The following SORCS1 variants were observed in gnomAD, a reference collection of about 807,000 sequenced individuals.
The protein encoded by SORCS1 is VPS10 domain-containing receptor SorCS1.
SORCS1 carries 60 observed loss-of-function variants against 146.1 expected under a neutral mutation model. The ratio of observed to expected loss-of-function variants is 0.41; its 90% CI spans 0.33 to 0.51. The LOEUF (loss-of-function observed/expected upper bound fraction) is 0.51, where lower values mean the gene tolerates loss of function less well. SORCS1 is among the 20% of genes least tolerant of loss of function. The pLI is 0.21. For synonymous variants in SORCS1, 637 were observed against 584.0 expected, an observed-to-expected ratio of 1.09 and a Z score of -1.31; for missense variants, 1,352 against 1,487.6, an observed-to-expected ratio of 0.91 and a Z score of 1.50.
chr10:106,610,923 C>T (rs551460008), intron 22 of SORCS1, among the ~76,000 whole-genome samples: 6 of 152,016 alleles, frequency 3.9e-5, no homozygotes, highest in East Asian at 1.9e-4. Flanking sequence ...ACTTAAAATA[C>T]GAAAAAAATA....
At chr10:106,729,952 C>T in intron 6 of SORCS1, 98 bp downstream of exon 6, 1 of 1,419,590 alleles carries the variant, frequency 7.0e-7, no homozygotes, top group Non-Finnish European at 9.9e-7. Flanking sequence ...TCCACTATTA[C>T]TCTGCATACA....
At chr10:107,151,528 C>A (rs955178491) in intron 1 of SORCS1, among the ~76,000 whole-genome samples, 4 of 152,086 alleles carry the variant, frequency 2.6e-5, no homozygotes, top group African/African-American at 9.7e-5. Flanking sequence ...AAAGTGGATA[C>A]CCCTGATAAA....
intron 1 of SORCS1, among the ~76,000 whole-genome samples, chr10:107,096,781 G>C (rs1400447891): frequency 1.3e-5 from 2 of 152,100 alleles, no homozygotes; most frequent in African/African-American, 4.8e-5. Flanking sequence ...CAAAATGCTG[G>C]GATTACAGGT....
At position 106,616,028 on chromosome 10, in the gene SORCS1, C is replaced by T. The variant is rs1304465633; in HGVS notation, c.2920+2121G>A. ...TCAAACCAAATGCTTAGAACAGATG[C>T]CAGTGGCTAGCAAAGTCTTCATCAA... On this transcript the variant is annotated intron_variant, in intron 21 of 25. Transcript: ENST00000263054. Among the ~76,000 whole-genome samples the T allele has an allele frequency of 1.3e-5, 2 of 152,140 alleles. 1 individual carries two copies. The highest frequency in any genetic ancestry group is 3.9e-4 in the East Asian group (2 of 5,188).
At chr10:106,773,675 C>A (rs2484971) in intron 4 of SORCS1, among the ~76,000 whole-genome samples, 36 of 152,310 alleles carry the variant, frequency 2.4e-4, no homozygotes, top group African/African-American at 8.4e-4. Flanking sequence ...CCTGGCTGGG[C>A]GTGGTGGCTC....
Position 106,921,312 on chromosome 10 carries a change from G to A in SORCS1, c.626+35201C>T, listed in dbSNP as rs552306416. ...CTTTTTCTCAAGTTCTCTTCACTCAGCTCCTTACATACAAGACCTACAGAA... is the reference window on the plus strand; with the variant it reads ...CTTTTTCTCAAGTTCTCTTCACTCAACTCCTTACATACAAGACCTACAGAA... On this transcript the variant is annotated intron_variant, in intron 2 of 25. Transcript: ENST00000263054. Among the ~76,000 whole-genome samples, 20 of 152,232 alleles carry A rather than the reference G, an allele frequency of 1.3e-4. No homozygotes were observed. In the South Asian group the frequency reaches 4.2e-3, roughly 32 times the overall value.
At chr10:106,800,278 C>T (rs890096900) in intron 3 of SORCS1, among the ~76,000 whole-genome samples, 11 of 152,180 alleles carry the variant, frequency 7.2e-5, no homozygotes, top group African/African-American at 2.6e-4. Flanking sequence ...AGTAATTGGT[C>T]ATGTCCATGA....
At chr10:106,844,432 C>G (rs930263770) in intron 2 of SORCS1, among the ~76,000 whole-genome samples, 1 of 152,032 alleles carries the variant, frequency 6.6e-6, no homozygotes, top group African/African-American at 2.4e-5. Flanking sequence ...CTAGGAGTTT[C>G]ATGGTTTCAG....
chr10:106,734,714 T>C (rs968268575), intron 5 of SORCS1, among the ~76,000 whole-genome samples: 3 of 152,222 alleles, frequency 2.0e-5, no homozygotes, highest in African/African-American at 7.2e-5. Flanking sequence ...TTTTTCTATA[T>C]TTTTCCTATA....
intron 2 of SORCS1, among the ~76,000 whole-genome samples, chr10:106,835,936 C>T (rs1477206474): frequency 2.0e-5 from 3 of 150,802 alleles, no homozygotes; most frequent in Non-Finnish European, 4.4e-5. Flanking sequence ...ACTCGGAAGG[C>T]GGAGGTTGCA....
In SORCS1 at chr10:106,625,336, T is replaced by C. The variant is rs554207307; in HGVS notation, c.2662+3866A>G. Among the ~76,000 whole-genome samples the C allele has an allele frequency of 2.0e-5, 3 of 152,088 alleles. No homozygotes were observed. In the South Asian group the frequency reaches 6.2e-4, roughly 32 times the overall value. ...TGTGCACATATCATATTGCTATTTG[T>C]CTGCAATGTTTAAAAAAGCTACTAG... On this transcript the variant is annotated intron_variant, in intron 19 of 25. Transcript: ENST00000263054.
intron 3 of SORCS1, among the ~76,000 whole-genome samples, chr10:106,795,465 C>G (rs1589895349): frequency 6.6e-6 from 1 of 152,098 alleles, no homozygotes; most frequent in Non-Finnish European, 1.5e-5. Context: ...AGATCAAATT[C>G]AGCTTTTTCA....
At chr10:106,798,979 A>G (rs2136617329) in intron 3 of SORCS1, among the ~76,000 whole-genome samples, 1 of 152,346 alleles carries the variant, frequency 6.6e-6, no homozygotes, top group Non-Finnish European at 1.5e-5. Context: ...ACTTCAAACT[A>G]TACTACAAAG....
chr10:106,796,561 A>G (rs1156627101), intron 3 of SORCS1, among the ~76,000 whole-genome samples: 4 of 152,150 alleles, frequency 2.6e-5, no homozygotes, highest in Admixed American at 6.6e-5. Flanking sequence ...TGTAAAGGTC[A>G]TTTTCTGTAT....
rs1218781419 is a variant in SORCS1 at position 107,116,601 on chromosome 10, T to C, written c.558+47368A>G. Among the ~76,000 whole-genome samples, 12 of 152,112 alleles carry C rather than the reference T, an allele frequency of 7.9e-5. No individual in the cohort carries two copies. In the South Asian group the frequency reaches 1.9e-3, roughly 24 times the overall value. On this transcript the variant is annotated intron_variant, in intron 1 of 25. Transcript: ENST00000263054. The stretch of plus-strand genomic sequence containing the variant: ...GGCAAATACCGTATAATTTCACTTA[T>C]ATGTAGAATCACACTCATAGAAACA...
rs989227530 is a variant in SORCS1 at position 106,972,354 on chromosome 10, C to A, written c.559-15774G>T. 4.1e-5 allele frequency among the ~76,000 whole-genome samples: 6 copies of A among 146,184 alleles called. No individual in the cohort carries two copies. The South Asian group carries it at 6.5e-4, about 16-fold the overall frequency. On this transcript the variant is annotated intron_variant, in intron 1 of 25. Transcript: ENST00000263054. ...TGTGATCGCACCACTACACTCCAGC[C>A]TGGGTGACAGAGCGAGACTCTGTCT...
chr10:106,755,681 A>G (rs913030263), intron 5 of SORCS1, among the ~76,000 whole-genome samples: 2 of 151,640 alleles, frequency 1.3e-5, no homozygotes, highest in South Asian at 4.2e-4. Flanking sequence ...TCAACCCCAG[A>G]CTGTATTTCA....
chr10:106,699,906 A>T (rs186144600), intron 8 of SORCS1, among the ~76,000 whole-genome samples: 271 of 152,314 alleles, frequency 1.8e-3, no homozygotes, highest in African/African-American at 6.1e-3. Context: ...CAAAATGTGC[A>T]TTTAATAAGA....
intron 1 of SORCS1, among the ~76,000 whole-genome samples, chr10:107,049,196 C>T (rs1959839666): frequency 7.0e-6 from 1 of 143,440 alleles, no homozygotes. Flanking sequence ...TGTTCTCACT[C>T]ATAGGTGGTG....
Sources: gnomAD v4.1 joint callset for allele counts (sites outside exome capture counted in the v4.1 genomes callset) on GRCh38, gnomAD v4.1.1 for gene constraint, MANE v1.5 for transcripts, NCBI Gene and HGNC (gene_info 2026-07-23, HGNC 2026-07-21) for gene names.